Variants in CCDC3 observed in about 807,000 individuals in gnomAD.
The protein encoded by CCDC3 is coiled-coil domain-containing protein 3.
In CCDC3, 24 loss-of-function variants were observed where a neutral mutation model predicts 21.4. The ratio of observed to expected loss-of-function variants is 1.12; its 90% CI spans 0.81 to 1.58. CCDC3 has a LOEUF of 1.58. CCDC3 is among the 40% of genes most tolerant of loss of function. The probability of loss-of-function intolerance (pLI) is 0.00; values close to 1 mark genes in which losing one functional copy is unlikely to be tolerated. For missense variants in CCDC3, 425 were observed against 360.9 expected (o/e 1.18, Z -1.44); for synonymous variants, 186 against 166.0 (o/e 1.12, Z -0.93).
At chr10:13,048,570 A>G (rs1836563116) in intron 5 of CCDC3, among the ~76,000 whole-genome samples, 3 of 152,068 alleles carry the variant, frequency 2.0e-5, no homozygotes, top group South Asian at 2.1e-4. Flanking sequence ...CTACTTTCCT[A>G]TTGATGCCAT....
chr10:12,903,078 G>T (rs1834117249), intron 2 of CCDC3, among the ~76,000 whole-genome samples: 1 of 152,168 alleles, frequency 6.6e-6, no homozygotes, highest in Non-Finnish European at 1.5e-5. Context: ...GACATCAAAG[G>T]ACTCTAGTAA....
At chr10:12,923,610 T>C (rs1368296721) in intron 2 of CCDC3, among the ~76,000 whole-genome samples, 1 of 152,190 alleles carries the variant, frequency 6.6e-6, no homozygotes, top group Non-Finnish European at 1.5e-5. Context: ...ATGTGATATT[T>C]TGTGATATGA....
In CCDC3 at chr10:13,001,183, G is replaced by C; in HGVS notation, c.374+14C>G. On this transcript the variant is annotated intron_variant, in intron 1 of 2. Transcript: ENST00000378825. ...AGAGAGAGAGAGAGGTGGCGGCGGC[G>C]CCGCCGGGCTCACCTGAGGAAGAAG... is the stretch of plus-strand genomic sequence containing the variant. 1 of 1,544,350 alleles carries C rather than the reference G, an allele frequency of 6.5e-7. No individual in the cohort carries two copies. Among genetic ancestry groups the C allele is most frequent in the Non-Finnish European group, 8.7e-7 (1 of 1,143,742 alleles).
rs148977791 is a variant in CCDC3, at chr10:12,981,410, T to C, written c.549+16928A>G. Among the ~76,000 whole-genome samples the C allele has an allele frequency of 3.5e-3, 539 of 152,094 alleles. 1 individual carries two copies. The highest frequency in any genetic ancestry group is 0.012 in the African/African-American group (503 of 41,492). On this transcript the variant is annotated intron_variant, in intron 2 of 2. Coordinates refer to ENST00000378825, the MANE Select transcript of CCDC3 (RefSeq NM_031455.4). ...ATATTGGCCAGGCTGGTCTCAGAAC[T>C]CCTGACCTCAGGTGATCTGCCTGCC...
intron 1 of CCDC3, among the ~76,000 whole-genome samples, 169 bp downstream of exon 1, chr10:13,001,028 T>A (rs1225392676): frequency 6.6e-6 from 1 of 152,096 alleles, no homozygotes; most frequent in Admixed American, 6.5e-5. Context: ...TGTAGAGACG[T>A]CAGACGGAGC....
intron 2 of CCDC3, among the ~76,000 whole-genome samples, chr10:12,919,586 T>TA (rs11413349): frequency 0.86 from 112,427 of 130,886 alleles, 48,933 homozygotes; most frequent in Non-Finnish European, 0.93. Flanking sequence ...CAAGACTGTC[T>TA]AAAAAAAAAA....
In CCDC3 at chr10:13,001,504, G is replaced by A. The variant is rs1272272830; in HGVS notation, c.67C>T (p.Gln23Ter). ...AGPPAPARACQLPSEWRPLSE... is the reference protein window; with the variant it reads ...AGPPAPARAC Reference sequence around the variant, plus strand: ...AGGGGCCTCCACTCGGAGGGCAGCTGGCAGGCGCGCGCGGGCGCTGGGGGA... The same window carrying A: ...AGGGGCCTCCACTCGGAGGGCAGCTAGCAGGCGCGCGCGGGCGCTGGGGGA... Residue 23 changes from glutamine to a stop codon, truncating the protein, a stop_gained, in exon 1 of 3, where the codon CAG (glutamine) becomes TAG (stop). Transcript: ENST00000378825. LOFTEE classifies it high-confidence loss of function. 7.5e-7 allele frequency: 1 copy of A among 1,332,472 alleles called. No individual in the cohort carries two copies. The highest frequency in any genetic ancestry group is 2.0e-5 in the South Asian group (1 of 49,758). The allele number at this position is 1,332,472 out of a possible 1,614,324, so 82.5% of individuals were successfully genotyped here. A position where few individuals can be genotyped will look rare whatever the true frequency, so the allele number is the denominator to read the frequency against.
Position 13,047,722 on chromosome 10 carries a change from G to C in CCDC3, c.-2+1952C>G, listed in dbSNP as rs149765102. ...TCCCTATGAGACCTGGGTGATTCCT[G>C]TTAGCCATGGGCCTCTCTAAAGCTC... On this transcript the variant is annotated intron_variant, in intron 5 of 6. Coordinates refer to the CCDC3 transcript ENST00000378839. 2.0e-4 allele frequency among the ~76,000 whole-genome samples: 30 copies of C among 152,252 alleles called. No homozygotes were observed. In the Middle Eastern group the frequency reaches 0.01, roughly 52 times the overall value.
At chr10:12,937,830 T>C (rs1196207986) in intron 2 of CCDC3, among the ~76,000 whole-genome samples, 1 of 152,278 alleles carries the variant, frequency 6.6e-6, no homozygotes, top group South Asian at 2.1e-4. Context: ...AGAGTACTTC[T>C]CCAGTGTCTG....
At chr10:12,937,803 AC>A (rs1339401774) in intron 2 of CCDC3, among the ~76,000 whole-genome samples, 1 of 152,198 alleles carries the variant, frequency 6.6e-6, no homozygotes, top group East Asian at 1.9e-4. Context: ...ATGGGAGGCC[AC>A]TACGGTCCCC....
chr10:12,905,292 T>C (rs964028686), intron 2 of CCDC3, among the ~76,000 whole-genome samples: 13 of 152,266 alleles, frequency 8.5e-5, no homozygotes, highest in Non-Finnish European at 1.5e-4. Flanking sequence ...CATCAGTTTA[T>C]GTTTTGTTTG....
chr10:12,986,695 C>A (rs970146247), intron 2 of CCDC3, among the ~76,000 whole-genome samples: 1 of 151,522 alleles, frequency 6.6e-6, no homozygotes, highest in African/African-American at 2.4e-5. Flanking sequence ...AATGGCGTGA[C>A]GCGGGAGGCG....
At chr10:13,029,491 T>C (rs1464042772) in intron 5 of CCDC3, among the ~76,000 whole-genome samples, 1 of 152,090 alleles carries the variant, frequency 6.6e-6, no homozygotes, top group Admixed American at 6.5e-5. Flanking sequence ...AGAATGACTT[T>C]GACAAGTTGA....
chr10:13,058,603 T>A (rs751471937), intron 4 of CCDC3: 18 of 627,254 alleles, frequency 2.9e-5, no homozygotes, highest in Non-Finnish European at 5.2e-5. Flanking sequence ...CGTTTTACCC[T>A]CTCGTCGTCT....
At chr10:12,958,409 G>C (rs1835127592) in intron 2 of CCDC3, among the ~76,000 whole-genome samples, 1 of 152,146 alleles carries the variant, frequency 6.6e-6, no homozygotes, top group Admixed American at 6.5e-5. Flanking sequence ...ACCAATCCCA[G>C]ACCCATGCCA....
chr10:13,014,987 G>T (rs78152809), intron 5 of CCDC3, among the ~76,000 whole-genome samples: 11 of 18,956 alleles, frequency 5.8e-4, no homozygotes, highest in East Asian at 5.7e-3. Context: ...CCAACAAACA[G>T]GGAGTGATTT....
chr10:12,937,930 G>T (rs1307614979), intron 2 of CCDC3, among the ~76,000 whole-genome samples: 1 of 152,058 alleles, frequency 6.6e-6, no homozygotes, highest in Non-Finnish European at 1.5e-5. Flanking sequence ...GGTCCCTTTG[G>T]TCTTCCATCC....
chr10:12,981,992 A>C (rs1228625694), intron 2 of CCDC3, among the ~76,000 whole-genome samples: 1 of 151,656 alleles, frequency 6.6e-6, no homozygotes, highest in Non-Finnish European at 1.5e-5. Context: ...GCGTGGTGGC[A>C]TGTGTCTGTA....
chr10:13,080,037 G>A (rs1837016207), intron 3 of CCDC3, among the ~76,000 whole-genome samples: 1 of 152,234 alleles, frequency 6.6e-6, no homozygotes, highest in Admixed American at 6.5e-5. Context: ...GGGAAGACAA[G>A]GGGGCCCTCT....
Sources: gnomAD v4.1 joint callset for allele counts (sites outside exome capture counted in the v4.1 genomes callset) on GRCh38, gnomAD v4.1.1 for gene constraint, MANE v1.5 for transcripts, NCBI Gene and HGNC (gene_info 2026-07-23, HGNC 2026-07-21) for gene names.